TRAF2: variants seen among roughly 807,000 people sequenced by gnomAD.
The protein encoded by TRAF2 is TNF receptor-associated factor 2.
TRAF2 carries 6 observed loss-of-function variants against 55.6 expected under a neutral mutation model. That is an observed-to-expected ratio of 0.11 (90% CI 0.06 to 0.21). The LOEUF (loss-of-function observed/expected upper bound fraction) is 0.21, where lower values mean the gene tolerates loss of function less well. Ranked by LOEUF, TRAF2 falls within the 10% of genes least tolerant of loss-of-function variation. TRAF2 has a pLI of 1.00. For missense variants in TRAF2, 561 were observed against 684.5 expected (o/e 0.82, Z 2.01); for synonymous variants, 329 against 276.3 (o/e 1.19, Z -1.89).
chr9:136,911,775 C>T (rs1588436575), intron 6 of TRAF2, among the ~76,000 whole-genome samples: 1 of 151,356 alleles, frequency 6.6e-6, no homozygotes, highest in Admixed American at 6.6e-5. Context: ...TGGCCCGTTC[C>T]AGAGGAGAAT....
At chr9:136,911,846 C>CTCTTTTT (rs1554781067) in intron 6 of TRAF2, among the ~76,000 whole-genome samples, 1 of 71,452 alleles carries the variant, frequency 1.4e-5, no homozygotes, top group Non-Finnish European at 2.4e-5. Flanking sequence ...TCTCTTATCT[C>CTCTTTTT]TTTTTTTTTT....
intron 6 of TRAF2, 160 bp downstream of exon 6, chr9:136,910,154 C>T (rs997896201): frequency 1.3e-5 from 10 of 766,274 alleles, no homozygotes; most frequent in African/African-American, 5.2e-5. Flanking sequence ...TTCAGGGTGG[C>T]GGCCGCTCTC....
At chr9:136,918,273 A>T (rs796990700) in intron 7 of TRAF2, among the ~76,000 whole-genome samples, 962 of 94,762 alleles carry the variant, frequency 0.01, 18 homozygotes, top group African/African-American at 0.036. Context: ...TTAATTAATT[A>T]ATTTATTTAT....
intron 1 of TRAF2, among the ~76,000 whole-genome samples, chr9:136,897,674 G>T (rs1849712802): frequency 2.7e-5 from 4 of 147,824 alleles, no homozygotes; most frequent in African/African-American, 7.6e-5. Flanking sequence ...GGGCTGGAGG[G>T]AAACCCGTGG....
intron 1 of TRAF2, among the ~76,000 whole-genome samples, chr9:136,894,698 T>C (rs920244720): frequency 2.6e-5 from 4 of 151,938 alleles, no homozygotes; most frequent in African/African-American, 9.7e-5. Flanking sequence ...AGGGGTGCCC[T>C]ATTGTGGGTA....
chr9:136,920,467 C>T lies in TRAF2; in HGVS notation c.912C>T (p.Ser304=), dbSNP rs1346955413. ...TGGCCATGACTGCCGAGGCCTGCAGCCGGCAGCACCGGCTGGACCAAGACA... is the reference window on the plus strand; with the variant it reads ...TGGCCATGACTGCCGAGGCCTGCAGTCGGCAGCACCGGCTGGACCAAGACA... The part of the protein sequence containing the change: ...ERVAMTAEAC[S]RQHRLDQDKI... Residue 304 remains serine, a synonymous_variant, in exon 8 of 11, where the codon AGC becomes AGT. Coordinates refer to ENST00000247668, the MANE Select transcript of TRAF2 (RefSeq NM_021138.4). 6.2e-7 allele frequency: 1 copy of T among 1,613,564 alleles called. No homozygotes were observed. Among genetic ancestry groups the T allele is most frequent in the South Asian group, 1.1e-5 (1 of 91,072 alleles).
chr9:136,886,567 G>C lies in TRAF2; in HGVS notation c.-29+26G>C, dbSNP rs1432322862. The C allele has an allele frequency of 6.1e-6, 6 of 983,174 alleles. No homozygotes were observed. In the African/African-American group the frequency reaches 1.1e-4, roughly 17 times the overall value. 60.9% of individuals were successfully genotyped at this position (983,174 alleles called of 1,614,324 possible). A position where few individuals can be genotyped will look rare whatever the true frequency, so the allele number is the denominator to read the frequency against. On this transcript the variant is annotated intron_variant, in intron 1 of 10. Coordinates refer to ENST00000247668, the MANE Select transcript of TRAF2 (RefSeq NM_021138.4). ...GTGAGGCGAGCGCGGGGTCGGGTGC[G>C]GGGTCGGGCGCGGGCGCGGGGTCGG...
At chr9:136,895,187 A>G (rs1849654748) in intron 1 of TRAF2, among the ~76,000 whole-genome samples, 1 of 152,176 alleles carries the variant, frequency 6.6e-6, no homozygotes, top group African/African-American at 2.4e-5. Context: ...AGCCCCTTTC[A>G]GGTGAGCAGC....
rs201954782 is a variant in TRAF2, at chr9:136,921,199, C to T, written c.1122C>T (p.Pro374=). The T allele has an allele frequency of 3.7e-5, 59 of 1,613,798 alleles. No individual in the cohort carries two copies. Among genetic ancestry groups the T allele is most frequent in the East Asian group, 6.7e-5 (3 of 44,886 alleles). Residue 374 remains proline, a synonymous_variant, in exon 9 of 11, where the codon CCC becomes CCT. Transcript: ENST00000247668. ...KRQEAVAGRI[P]AIFSPAFYTS... ...AGGAAGCTGTGGCTGGCCGCATACC[C>T]GCCATCTTCTCCCCAGGTGTGGTTC...
chr9:136,913,724 C>G (rs184056061), intron 6 of TRAF2, among the ~76,000 whole-genome samples: 1 of 152,008 alleles, frequency 6.6e-6, no homozygotes, highest in South Asian at 2.1e-4. Flanking sequence ...TGCTTTTGTT[C>G]TTTGACGATG....
At chr9:136,918,258 TTTATTTAA>T (rs200451685) in intron 7 of TRAF2, among the ~76,000 whole-genome samples, 2,838 of 18,678 alleles carry the variant, frequency 0.15, 86 homozygotes, top group East Asian at 0.36. Context: ...TATATATATA[TTTATTTAA>T]TTAATTAATT....
chr9:136,889,068 G>GCTA (rs1391756908), intron 1 of TRAF2, among the ~76,000 whole-genome samples: 1 of 152,108 alleles, frequency 6.6e-6, no homozygotes, highest in Non-Finnish European at 1.5e-5. Context: ...GTTTCACCAT[G>GCTA]TTAGCCAGGG....
At chr9:136,889,607 C>G (rs998682808) in intron 1 of TRAF2, 1 of 152,224 alleles carries the variant, frequency 6.6e-6, no homozygotes, top group African/African-American at 2.4e-5. Flanking sequence ...TTTGACATTT[C>G]TTTGCCATTT....
At chr9:136,891,359 C>T (rs544286282) in intron 1 of TRAF2, among the ~76,000 whole-genome samples, 18 of 152,178 alleles carry the variant, frequency 1.2e-4, no homozygotes, top group East Asian at 9.7e-4. Context: ...CCGCCCGCCT[C>T]GGCCTCCCAA....
intron 4 of TRAF2, among the ~76,000 whole-genome samples, chr9:136,906,485 A>G (rs151133184): frequency 3.9e-5 from 6 of 152,234 alleles, no homozygotes; most frequent in Non-Finnish European, 7.4e-5. Flanking sequence ...GAGACTTACT[A>G]TCACGAGAGC....
At chr9:136,917,455 G>A (rs968213838) in intron 7 of TRAF2, among the ~76,000 whole-genome samples, 5 of 152,344 alleles carry the variant, frequency 3.3e-5, no homozygotes, top group Admixed American at 3.3e-4. Flanking sequence ...AGCACCTCGT[G>A]TCTTTGTCTC....
chr9:136,918,797 G>A (rs867173509), intron 7 of TRAF2, among the ~76,000 whole-genome samples: 43 of 150,322 alleles, frequency 2.9e-4, no homozygotes, highest in African/African-American at 9.0e-4. Context: ...GTGCAGTGGC[G>A]CCATCTCGGC....
Position 136,916,521 on chromosome 9 carries a change from G to A in TRAF2, c.604-20G>A, listed in dbSNP as rs771541569. 4.3e-6 allele frequency: 7 copies of A among 1,613,290 alleles called. No homozygotes were observed. In the South Asian group the frequency reaches 7.7e-5, roughly 18 times the overall value. Reference sequence around the variant, plus strand: ...CATCAGAACAGAGAAAGATGGCTCTGTGACGTCACTCCCTTGTAGTTTCAG... The same window carrying A: ...CATCAGAACAGAGAAAGATGGCTCTATGACGTCACTCCCTTGTAGTTTCAG... On this transcript the variant is annotated intron_variant, in intron 6 of 10. Coordinates refer to ENST00000247668, the MANE Select transcript of TRAF2 (RefSeq NM_021138.4).
At chr9:136,925,643 C>T in intron 10 of TRAF2, 40 bp from the exon 11 acceptor site, 3 of 1,601,130 alleles carry the variant, frequency 1.9e-6, no homozygotes, top group Non-Finnish European at 2.6e-6. Flanking sequence ...GAGAGACGGC[C>T]CACAGACCTG....
Sources: allele counts gnomAD v4.1 joint callset (sites outside exome capture counted in the v4.1 genomes callset), GRCh38; gene constraint gnomAD v4.1.1; transcripts MANE v1.5; gene names NCBI Gene and HGNC (gene_info 2026-07-23, HGNC 2026-07-21).